Variants in DENND2C observed in about 807,000 individuals in gnomAD.
DENND2C encodes DENN domain-containing protein 2C.
Under a neutral mutation model 112.4 loss-of-function variants are expected in DENND2C, and 72 were observed. The ratio of observed to expected loss-of-function variants is 0.64; its 90% confidence interval spans 0.53 to 0.78. The LOEUF (loss-of-function observed/expected upper bound fraction) is 0.78. Among genes scored for constraint, DENND2C ranks in the 30% least tolerant of loss-of-function variants. The pLI is 0.00. For synonymous variants in DENND2C, 329 were observed against 381.6 expected (o/e 0.86, Z 1.61); for missense variants, 992 against 1,113.8 (o/e 0.89, Z 1.56).
intron 2 of DENND2C, among the ~76,000 whole-genome samples, chr1:114,651,675 C>T (rs1657169379): frequency 1.3e-5 from 2 of 152,028 alleles, no homozygotes; most frequent in East Asian, 1.9e-4. Flanking sequence ...GGAGGCGGAT[C>T]CTGCAGAGCT....
At chr1:114,660,601 G>T (rs954535699) in intron 1 of DENND2C, among the ~76,000 whole-genome samples, 1 of 152,168 alleles carries the variant, frequency 6.6e-6, no homozygotes, top group African/African-American at 2.4e-5. Context: ...AAAACACACT[G>T]TGAGACTTGC....
intron 2 of DENND2C, among the ~76,000 whole-genome samples, chr1:114,653,604 C>T (rs1657229038): frequency 6.6e-6 from 1 of 151,972 alleles, no homozygotes; most frequent in Admixed American, 6.6e-5. Flanking sequence ...AAGTTATTTA[C>T]TTTTTATTTT....
At chr1:114,662,121 T>C (rs1246678800) in intron 1 of DENND2C, among the ~76,000 whole-genome samples, 2 of 152,210 alleles carry the variant, frequency 1.3e-5, no homozygotes, top group East Asian at 1.9e-4. Flanking sequence ...AATACTGTTG[T>C]GGAGCAGCCT....
chr1:114,622,923 A>C, intron 6 of DENND2C, 64 bp downstream of exon 6: 4 of 1,291,178 alleles, frequency 3.1e-6, no homozygotes, highest in Non-Finnish European at 4.4e-6. Context: ...AAATCCCCTT[A>C]ATCTTTTTGT....
chr1:114,628,072 G>C (rs1165354995), intron 3 of DENND2C, among the ~76,000 whole-genome samples: 1 of 152,096 alleles, frequency 6.6e-6, no homozygotes, highest in African/African-American at 2.4e-5. Flanking sequence ...TTAGGATGCT[G>C]AGGCAGGAGC....
intron 7 of DENND2C, 148 bp downstream of exon 7, chr1:114,621,747 A>G (rs1656171739): frequency 1.8e-6 from 2 of 1,129,426 alleles, no homozygotes; most frequent in African/African-American, 1.6e-5. Context: ...GCATGAGCAA[A>G]AATTTAAAAC....
chr1:114,663,034 T>C (rs1657540894), intron 1 of DENND2C, among the ~76,000 whole-genome samples: 1 of 152,248 alleles, frequency 6.6e-6, no homozygotes, highest in Non-Finnish European at 1.5e-5. Flanking sequence ...CTGGAATAGA[T>C]AGATGTGAAA....
rs1656310261 is a variant in DENND2C, at chr1:114,625,474, A to G, written c.511T>C (p.Ser171Pro). The change falls in exon 4 of 21, where the codon TCT becomes CCT. Residue 171 changes from serine to proline, a missense_variant. Physicochemically the swap from Ser to Pro is moderately conservative, Grantham distance 74. Transcript: ENST00000393274. Reference protein sequence around the residue: ...LLNLALEHCDSSEKELNFRVL... With the variant: ...LLNLALEHCDPSEKELNFRVL... The stretch of plus-strand genomic sequence containing the variant: ...CTGAAGTTCAGTTCTTTTTCTGAAG[A>G]GTCACAATGTTCTAAAGCCAAATTT... The G allele has an allele frequency of 1.2e-6, 2 of 1,614,020 alleles. No homozygotes were observed. The highest frequency in any genetic ancestry group is 1.7e-6 in the Non-Finnish European group (2 of 1,180,030).
chr1:114,646,866 A>G (rs967469192), intron 2 of DENND2C, among the ~76,000 whole-genome samples: 1 of 152,116 alleles, frequency 6.6e-6, no homozygotes, highest in Non-Finnish European at 1.5e-5. Flanking sequence ...CTAGGTAAAC[A>G]GAGAATATTT....
rs769660823 is a variant in DENND2C at position 114,600,466 on chromosome 1, C to T, written c.1957-114G>A. 7.2e-6 allele frequency: 10 copies of T among 1,393,582 alleles called. 1 individual carries two copies. In the South Asian group the frequency reaches 9.6e-5, roughly 13 times the overall value. The allele number at this position is 1,393,582 out of a possible 1,614,324, so 86.3% of individuals were successfully genotyped here. On this transcript the variant is annotated intron_variant, in intron 14 of 20. Coordinates refer to ENST00000393274, the MANE Select transcript of DENND2C (RefSeq NM_001256404.2). ...TTAAATTCAAGAAAGGTCTGCTACA[C>T]GGGGTCTGTGAAGCTTCCTATACTA...
chr1:114,640,804 C>T lies in DENND2C; in HGVS notation c.-205+4644G>A, dbSNP rs138139206. On this transcript the variant is annotated intron_variant, in intron 3 of 20. Transcript: ENST00000393274. ...CATAAATTTTTTTTAAGTTTTATCACAATTTAACACAAAACACAATTTTAA... is the reference window on the plus strand; with the variant it reads ...CATAAATTTTTTTTAAGTTTTATCATAATTTAACACAAAACACAATTTTAA... 9.3e-4 allele frequency among the ~76,000 whole-genome samples: 142 copies of T among 152,266 alleles called. 1 individual carries two copies. Among genetic ancestry groups the T allele is most frequent in the Middle Eastern group, 3.4e-3 (1 of 294 alleles).
intron 3 of DENND2C, among the ~76,000 whole-genome samples, chr1:114,633,456 A>AAAAAAAG (rs1557952659): frequency 6.7e-5 from 10 of 149,752 alleles, no homozygotes; most frequent in African/African-American, 2.0e-4. Flanking sequence ...AAAAAAAAAA[A>AAAAAAAG]AAAAAAGAAA....
Position 114,651,305 on chromosome 1 carries a change from A to ACACG in DENND2C, c.-317+3199_-317+3200insCGTG, listed in dbSNP as rs1553237775. On this transcript the variant is annotated intron_variant, in intron 2 of 20. Transcript: ENST00000393274. ...CACACACACACACACACACACACAC[A>ACACG]CGCCAAGTATGAAACATGTGCCTGT... 7.8e-4 allele frequency among the ~76,000 whole-genome samples: 117 copies of ACACG among 150,312 alleles called. 1 individual carries two copies. Among genetic ancestry groups the ACACG allele is most frequent in the African/African-American group, 2.6e-3 (108 of 40,874 alleles).
At chr1:114,613,522 C>G (rs1284667155) in intron 8 of DENND2C, among the ~76,000 whole-genome samples, 1 of 151,960 alleles carries the variant, frequency 6.6e-6, no homozygotes, top group Non-Finnish European at 1.5e-5. Flanking sequence ...ACCACCATGA[C>G]AAAAAGTATA....
intron 3 of DENND2C, among the ~76,000 whole-genome samples, chr1:114,635,734 C>T (rs1287257013): frequency 1.3e-5 from 2 of 152,084 alleles, no homozygotes; most frequent in African/African-American, 4.8e-5. Flanking sequence ...CCACTGGGCG[C>T]GATCACTCAC....
intron 9 of DENND2C, 110 bp downstream of exon 9, chr1:114,610,963 C>G: frequency 7.9e-7 from 1 of 1,271,856 alleles, no homozygotes; most frequent in Non-Finnish European, 1.1e-6. Context: ...AAATCATCTA[C>G]AAAATGGAAC....
intron 1 of DENND2C, among the ~76,000 whole-genome samples, chr1:114,665,066 C>T (rs1381151338): frequency 6.6e-6 from 1 of 151,578 alleles, no homozygotes; most frequent in African/African-American, 2.4e-5. Context: ...TGCACTCCAG[C>T]CTGGGCAACA....
chr1:114,635,943 T>G (rs942547717), intron 3 of DENND2C, among the ~76,000 whole-genome samples: 1 of 151,496 alleles, frequency 6.6e-6, no homozygotes, highest in African/African-American at 2.4e-5. Flanking sequence ...GTGGTGGAGG[T>G]TGCATTGAGC....
At chr1:114,668,033 T>C (rs1484696142) in intron 1 of DENND2C, among the ~76,000 whole-genome samples, 1 of 152,202 alleles carries the variant, frequency 6.6e-6, no homozygotes, top group Non-Finnish European at 1.5e-5. Context: ...TTTTCAGTAC[T>C]TATTTTAGCC....
Sources: gnomAD v4.1 joint callset for allele counts (sites outside exome capture counted in the v4.1 genomes callset) on GRCh38, gnomAD v4.1.1 for gene constraint, MANE v1.5 for transcripts, NCBI Gene and HGNC (gene_info 2026-07-23, HGNC 2026-07-21) for gene names.